TENM3: variants seen among roughly 807,000 people sequenced by gnomAD.
TENM3 encodes the protein teneurin transmembrane protein 3.
A neutral mutation model predicts 255.1 loss-of-function variants in TENM3; 63 were observed. The ratio of observed to expected loss-of-function variants is 0.25; its 90% CI spans 0.20 to 0.30. TENM3 has a LOEUF of 0.30. Among genes scored for constraint, TENM3 ranks in the 10% least tolerant of loss-of-function variants. The pLI is 1.00. For synonymous variants in TENM3, 1,306 were observed against 1,322.3 expected (o/e 0.99, Z 0.27); for missense variants, 2,929 against 3,461.1 (o/e 0.85, Z 3.86).
At chr4:182,322,710 C>T (rs1011263642) in intron 1 of TENM3, among the ~76,000 whole-genome samples, 1 of 152,114 alleles carries the variant, frequency 6.6e-6, no homozygotes, top group Admixed American at 6.5e-5. Flanking sequence ...GAGAGACAGT[C>T]AGAGACAGAG....
At chr4:181,448,864 C>A in the TENM3 span, among the ~76,000 whole-genome samples, 1 of 152,082 alleles carries the variant, frequency 6.6e-6, no homozygotes, top group Non-Finnish European at 1.5e-5. Context: ...TTTTTCTAAA[C>A]ATACTTATAA....
At chr4:182,606,448 C>T (rs112631581) in intron 4 of TENM3, among the ~76,000 whole-genome samples, 6,436 of 145,846 alleles carry the variant, frequency 0.044, 487 homozygotes, top group African/African-American at 0.16. Context: ...CTCTTGAACC[C>T]GGGAGGCAGT....
the TENM3 span, among the ~76,000 whole-genome samples, chr4:181,669,812 T>C: frequency 1.3e-5 from 2 of 152,162 alleles, no homozygotes; most frequent in Admixed American, 6.6e-5. Context: ...TTAAGAATGT[T>C]ATGAGTGTGT....
the TENM3 span, among the ~76,000 whole-genome samples, chr4:181,794,229 A>G: frequency 6.6e-6 from 1 of 152,214 alleles, no homozygotes; most frequent in Non-Finnish European, 1.5e-5. Flanking sequence ...CCACAGTAAA[A>G]CTAATTAACA....
intron 19 of TENM3, among the ~76,000 whole-genome samples, chr4:182,745,895 G>A (rs1176131475): frequency 6.6e-6 from 1 of 151,468 alleles, no homozygotes; most frequent in Non-Finnish European, 1.5e-5. Flanking sequence ...CCTGGTGTTT[G>A]GCAGTGATAC....
chr4:182,427,934 T>C (rs899722992), intron 3 of TENM3, among the ~76,000 whole-genome samples: 1 of 148,624 alleles, frequency 6.7e-6, no homozygotes, highest in African/African-American at 2.5e-5. Flanking sequence ...CAAAACCCTA[T>C]CCAGCACTGT....
At chr4:182,393,847 C>T (rs903845281) in intron 3 of TENM3, among the ~76,000 whole-genome samples, 4 of 152,066 alleles carry the variant, frequency 2.6e-5, no homozygotes, top group Non-Finnish European at 5.9e-5. Context: ...TAACAGTTTC[C>T]GTCCATTTCT....
chr4:182,507,197 T>C (rs1736921269), intron 3 of TENM3, among the ~76,000 whole-genome samples: 2 of 152,174 alleles, frequency 1.3e-5, no homozygotes, highest in Admixed American at 1.3e-4. Flanking sequence ...GCCCGAGTTA[T>C]TCAAAATGTA....
intron 3 of TENM3, among the ~76,000 whole-genome samples, chr4:182,370,430 A>C (rs2150850792): frequency 6.6e-6 from 1 of 152,346 alleles, no homozygotes. Context: ...TGAATACCTT[A>C]CCATACCTAG....
chr4:182,674,544 T>TTTTG (rs745603073), intron 7 of TENM3, among the ~76,000 whole-genome samples: 6 of 152,146 alleles, frequency 3.9e-5, no homozygotes, highest in Non-Finnish European at 8.8e-5. Flanking sequence ...AATTTTATAT[T>TTTTG]TTTGTTTGTT....
the TENM3 span, among the ~76,000 whole-genome samples, chr4:182,129,356 A>G: frequency 6.6e-6 from 1 of 152,202 alleles, no homozygotes; most frequent in East Asian, 1.9e-4. Context: ...GTATTTTTAG[A>G]GTATCACAAA....
the TENM3 span, among the ~76,000 whole-genome samples, chr4:181,995,776 G>T: frequency 6.6e-6 from 1 of 152,078 alleles, no homozygotes; most frequent in South Asian, 2.1e-4. Context: ...GATCCACTTT[G>T]TAGATGATGA....
At chr4:181,841,815 T>C in the TENM3 span, among the ~76,000 whole-genome samples, 1 of 152,180 alleles carries the variant, frequency 6.6e-6, no homozygotes, top group South Asian at 2.1e-4. Flanking sequence ...ATTAACTTTA[T>C]GTGCCACTCA....
At chr4:181,588,275 A>T in the TENM3 span, among the ~76,000 whole-genome samples, 1 of 152,352 alleles carries the variant, frequency 6.6e-6, no homozygotes, top group South Asian at 2.1e-4. Context: ...TTCCCTAGGA[A>T]GGGATACTCT....
At chr4:181,755,665 T>G in the TENM3 span, among the ~76,000 whole-genome samples, 1 of 152,152 alleles carries the variant, frequency 6.6e-6, no homozygotes, top group Non-Finnish European at 1.5e-5. Flanking sequence ...GAAGAGATAC[T>G]ATAACATATG....
intron 3 of TENM3, among the ~76,000 whole-genome samples, chr4:182,404,487 T>A (rs1378996593): frequency 6.6e-6 from 1 of 152,216 alleles, no homozygotes; most frequent in Non-Finnish European, 1.5e-5. Flanking sequence ...GATGTAACTC[T>A]TTTTATGGAT....
intron 11 of TENM3, 133 bp from the exon 12 acceptor site, chr4:182,688,033 C>A: frequency 1.2e-6 from 1 of 811,774 alleles, no homozygotes. Context: ...CATACAAATA[C>A]TTTTGATTTC....
intron 4 of TENM3, among the ~76,000 whole-genome samples, chr4:182,618,424 C>T (rs1749748448): frequency 6.6e-6 from 1 of 151,930 alleles, no homozygotes; most frequent in African/African-American, 2.4e-5. Context: ...ATTTTGTTAG[C>T]ATCTTCTAAA....
At chr4:182,732,233 T>C (rs2037346038) in intron 16 of TENM3, among the ~76,000 whole-genome samples, 1 of 152,210 alleles carries the variant, frequency 6.6e-6, no homozygotes, top group South Asian at 2.1e-4. Flanking sequence ...GAAAAAAAAC[T>C]TTAGTGCCTA....
Sources: allele counts gnomAD v4.1 joint callset (sites outside exome capture counted in the v4.1 genomes callset), GRCh38; gene constraint gnomAD v4.1.1; transcripts MANE v1.5; gene names NCBI Gene and HGNC (gene_info 2026-07-23, HGNC 2026-07-21).